Variants in OR7C1 observed in about 807,000 individuals in gnomAD.
OR7C1 encodes the protein olfactory receptor family 7 subfamily C member 1, also known as olfactory receptor 7C1.
For missense variants in OR7C1, 324 were observed against 383.3 expected (o/e 0.85, Z 1.29); for synonymous variants, 152 against 160.7 (o/e 0.95, Z 0.41).
rs2044795968 is a variant in OR7C1, at chr19:14,828,342, A to C, written c.-623+6732T>G. The stretch of plus-strand genomic sequence containing the variant: ...ATACCATCATTTATATTTTATAGCC[A>C]ATAAATTATCTTACATTTTGTGTAT... On this transcript the variant is annotated intron_variant, in intron 1 of 4. Coordinates refer to ENST00000641666, the Ensembl canonical transcript of OR7C1. 3 of 1,282,598 alleles carry C rather than the reference A, an allele frequency of 2.3e-6. No homozygotes were observed. The Admixed American group carries it at 7.2e-5, about 31-fold the overall frequency. 79.5% of individuals were successfully genotyped at this position (1,282,598 alleles called of 1,614,324 possible).
At chr19:14,804,716 A>C (rs1297030997) in intron 2 of OR7C1, among the ~76,000 whole-genome samples, 1 of 151,916 alleles carries the variant, frequency 6.6e-6, no homozygotes, top group Non-Finnish European at 1.5e-5. Context: ...GATGAGGATA[A>C]AGTGCTACTG....
rs546087358 is a variant in OR7C1, at chr19:14,825,178, C to T, written c.-623+9896G>A. Reference sequence around the variant, plus strand: ...CCTGGGAGATCGAGGCTTCAGTGAGCTACCATCACACCACTCTACTTCAGT... The same window carrying T: ...CCTGGGAGATCGAGGCTTCAGTGAGTTACCATCACACCACTCTACTTCAGT... On this transcript the variant is annotated intron_variant, in intron 1 of 4. Transcript: ENST00000641666. The T allele has an allele frequency of 2.6e-5, 4 of 152,326 alleles. No homozygotes were observed. The South Asian group carries it at 6.2e-4, about 24-fold the overall frequency. 9.4% of individuals were successfully genotyped at this position (152,326 alleles called of 1,614,324 possible). A position where few individuals can be genotyped will look rare whatever the true frequency, so the allele number is the denominator to read the frequency against.
intron 1 of OR7C1, among the ~76,000 whole-genome samples, chr19:14,811,585 G>C (rs1427246742): frequency 1.4e-5 from 2 of 147,402 alleles, no homozygotes; most frequent in African/African-American, 2.4e-5. Flanking sequence ...TATCCTTTAG[G>C]GGGGCCAACA....
At chr19:14,818,102 A>G (rs908028113) in intron 1 of OR7C1, among the ~76,000 whole-genome samples, 5 of 147,916 alleles carry the variant, frequency 3.4e-5, no homozygotes, top group Non-Finnish European at 5.9e-5. Flanking sequence ...TTATTTATTT[A>G]TTTTTGAGAC....
chr19:14,812,782 G>C (rs373845143), intron 1 of OR7C1, among the ~76,000 whole-genome samples: 4 of 152,006 alleles, frequency 2.6e-5, no homozygotes, highest in African/African-American at 9.7e-5. Flanking sequence ...TCCTGGTGAT[G>C]GCTGGGCATG....
At chr19:14,819,831 C>T (rs558142824) in intron 1 of OR7C1, among the ~76,000 whole-genome samples, 1 of 152,304 alleles carries the variant, frequency 6.6e-6, no homozygotes, top group Admixed American at 6.5e-5. Flanking sequence ...AACTTAATCT[C>T]AAATTCGAAA....
At chr19:14,813,727 C>T (rs868386636) in intron 1 of OR7C1, among the ~76,000 whole-genome samples, 3 of 151,750 alleles carry the variant, frequency 2.0e-5, no homozygotes, top group Admixed American at 6.6e-5. Context: ...GGGGGGCGTG[C>T]CAGACACTTA....
intron 1 of OR7C1, among the ~76,000 whole-genome samples, chr19:14,819,137 G>A (rs1441031872): frequency 1.7e-5 from 2 of 119,124 alleles, no homozygotes; most frequent in African/African-American, 6.3e-5. Context: ...TTTCTTTTTT[G>A]CAATCAGATC....
chr19:14,800,234 G>A, intron 4 of OR7C1, 22 bp downstream of exon 4: 1 of 1,329,798 alleles, frequency 7.5e-7, no homozygotes, highest in Non-Finnish European at 1.0e-6. Context: ...TTAAGTGAAG[G>A]AATCAATTAA....
chr19:14,830,965 G>A (rs1187395784), intron 1 of OR7C1, among the ~76,000 whole-genome samples: 1 of 152,154 alleles, frequency 6.6e-6, no homozygotes, highest in Admixed American at 6.5e-5. Flanking sequence ...TCTTCAGCTC[G>A]CAGCACAAGC....
chr19:14,827,943 TGCATGAGGCAGGC>T, intron 1 of OR7C1: 1 of 1,614,190 alleles, frequency 6.2e-7, no homozygotes, highest in Non-Finnish European at 8.5e-7. Flanking sequence ...AAAATACATC[TGCATGAGGCAGGC>T]TATGTAGGTG....
intron 2 of OR7C1, among the ~76,000 whole-genome samples, chr19:14,803,321 A>AAC (rs2044650808): frequency 1.3e-5 from 2 of 151,368 alleles, no homozygotes; most frequent in Admixed American, 1.3e-4. Flanking sequence ...AAAAAAAAAA[A>AAC]AAAAAGAAAA....
intron 2 of OR7C1, among the ~76,000 whole-genome samples, chr19:14,805,290 A>G (rs1290015321): frequency 2.0e-5 from 3 of 151,554 alleles, no homozygotes; most frequent in Admixed American, 2.0e-4. Flanking sequence ...TGAGATGCAC[A>G]TTGATTCAAG....
chr19:14,808,388 T>C (rs1027112184), intron 2 of OR7C1, among the ~76,000 whole-genome samples: 5 of 151,930 alleles, frequency 3.3e-5, no homozygotes, highest in African/African-American at 7.3e-5. Context: ...CAATGTATGA[T>C]TGGATAAATA....
At chr19:14,816,735 C>T (rs1234050209) in intron 1 of OR7C1, among the ~76,000 whole-genome samples, 1 of 152,138 alleles carries the variant, frequency 6.6e-6, no homozygotes, top group Admixed American at 6.5e-5. Context: ...AACTCCACTT[C>T]ATATATATAT....
At chr19:14,832,478 T>C (rs2044843012) in intron 1 of OR7C1, among the ~76,000 whole-genome samples, 1 of 149,558 alleles carries the variant, frequency 6.7e-6, no homozygotes, top group Non-Finnish European at 1.5e-5. Flanking sequence ...CAGGCTGGAG[T>C]GCAGTGGCGC....
At chr19:14,813,329 C>T (rs1404041798) in intron 1 of OR7C1, among the ~76,000 whole-genome samples, 3 of 152,058 alleles carry the variant, frequency 2.0e-5, no homozygotes, top group South Asian at 2.1e-4. Flanking sequence ...CTGAGGTGGG[C>T]GGATCACAAG....
intron 1 of OR7C1, among the ~76,000 whole-genome samples, chr19:14,819,119 C>A (rs1005043091): frequency 6.6e-6 from 1 of 151,086 alleles, no homozygotes; most frequent in Non-Finnish European, 1.5e-5. Context: ...TTATTGCCAC[C>A]TTTCTTTTTT....
intron 1 of OR7C1, among the ~76,000 whole-genome samples, chr19:14,818,351 C>T (rs2044726242): frequency 6.6e-6 from 1 of 152,100 alleles, no homozygotes; most frequent in South Asian, 2.1e-4. Flanking sequence ...GTCTCTGCCT[C>T]CCAAAGTGCT....
Sources: gnomAD v4.1 joint callset for allele counts (sites outside exome capture counted in the v4.1 genomes callset) on GRCh38, gnomAD v4.1.1 for gene constraint, MANE v1.5 for transcripts, NCBI Gene and HGNC (gene_info 2026-07-23, HGNC 2026-07-21) for gene names.